The following PREX2 variants were observed in gnomAD, a reference collection of about 807,000 sequenced individuals.
PREX2 encodes the protein phosphatidylinositol 3,4,5-trisphosphate-dependent Rac exchanger 2 protein.
Under a neutral mutation model 203.2 loss-of-function variants are expected in PREX2, and 107 were observed. The ratio of observed to expected loss-of-function variants is 0.53; its 90% CI spans 0.45 to 0.62. PREX2 has a LOEUF of 0.62. Among genes scored for constraint, PREX2 ranks in the 20% least tolerant of loss-of-function variants. The probability of loss-of-function intolerance (pLI) is 0.00; values close to 1 mark genes in which losing one functional copy is unlikely to be tolerated. For synonymous variants in PREX2, 672 were observed against 663.6 expected (o/e 1.01, Z -0.19); for missense variants, 1,777 against 1,955.9 (o/e 0.91, Z 1.72).
chr8:68,082,596 C>T (rs1020477708), intron 17 of PREX2: 3 of 152,198 alleles, frequency 2.0e-5, no homozygotes, highest in African/African-American at 7.2e-5. Flanking sequence ...ATAAAATGCC[C>T]TCTCTCAGGC....
chr8:68,055,407 C>G (rs1808646662), intron 9 of PREX2, among the ~76,000 whole-genome samples: 1 of 152,144 alleles, frequency 6.6e-6, no homozygotes, highest in South Asian at 2.1e-4. Context: ...CCTTTCTTAA[C>G]ATTTCTCAGG....
chr8:67,971,705 T>G (rs1805932258), intron 1 of PREX2, among the ~76,000 whole-genome samples: 1 of 152,192 alleles, frequency 6.6e-6, no homozygotes, highest in East Asian at 1.9e-4. Flanking sequence ...AGTTATCCAT[T>G]AATACTTTGC....
intron 1 of PREX2, among the ~76,000 whole-genome samples, chr8:67,984,289 G>C (rs765181405): frequency 1.3e-5 from 2 of 152,064 alleles, no homozygotes; most frequent in African/African-American, 4.8e-5. Flanking sequence ...CATTAAGAAC[G>C]AAGAGTATGA....
intron 32 of PREX2, among the ~76,000 whole-genome samples, chr8:68,136,998 C>T (rs895711092): frequency 4.6e-5 from 7 of 151,594 alleles, no homozygotes; most frequent in Non-Finnish European, 8.8e-5. Context: ...CTCTGGCTCC[C>T]AGGTTCAAGT....
intron 37 of PREX2, among the ~76,000 whole-genome samples, chr8:68,193,002 A>G (rs1260737973): frequency 6.6e-6 from 1 of 152,134 alleles, no homozygotes; most frequent in Middle Eastern, 3.2e-3. Flanking sequence ...AGCTCACACA[A>G]TGTGCTATTC....
Position 68,083,375 on chromosome 8 carries a change from A to G in PREX2, c.2014A>G (p.Thr672Ala), listed in dbSNP as rs1348619776. 3 of 1,608,888 alleles carry G rather than the reference A, an allele frequency of 1.9e-6. No homozygotes were observed. The highest frequency in any genetic ancestry group is 2.2e-5 in the East Asian group (1 of 44,794). Residue 672 changes from threonine to alanine, a missense_variant, in exon 18 of 40, where the codon ACA becomes GCA. Transcript: ENST00000288368. The part of the protein sequence containing the change: ...SRKPLRVLVS[T>A]KPRETVKIPD... Reference sequence around the variant, plus strand: ...AAAACCTCTAAGAGTTCTTGTGAGCACAAAGCCAAGAGAGTAAGTTGTATG... The same window carrying G: ...AAAACCTCTAAGAGTTCTTGTGAGCGCAAAGCCAAGAGAGTAAGTTGTATG...
Position 68,209,070 on chromosome 8 carries a change from T to TAA in PREX2, c.4605-8527_4605-8526dup, listed in dbSNP as rs994362514. On this transcript the variant is annotated intron_variant, in intron 37 of 39. Coordinates refer to ENST00000288368, the MANE Select transcript of PREX2 (RefSeq NM_024870.4). ...CGACAGAGCAAGACCTGGACTCATT[T>TAA]AAAAAAAAAAAAAAAAAAAAGAAAG... Among the ~76,000 whole-genome samples the TAA allele has an allele frequency of 8.0e-3, 918 of 115,060 alleles. 9 individuals are homozygous for TAA. The highest frequency in any genetic ancestry group is 0.027 in the African/African-American group (826 of 30,698). The allele number at this position is 115,060 out of a possible 152,430, so 75.5% of individuals were successfully genotyped here. A position where few individuals can be genotyped will look rare whatever the true frequency, so the allele number is the denominator to read the frequency against.
chr8:68,050,898 G>A (rs1808508843), intron 8 of PREX2, among the ~76,000 whole-genome samples: 1 of 152,144 alleles, frequency 6.6e-6, no homozygotes, highest in Admixed American at 6.5e-5. Flanking sequence ...CAGCAGACAA[G>A]AAAAGCATGG....
chr8:68,179,274 T>A lies in PREX2; in HGVS notation c.4347-12448T>A, dbSNP rs1812040359. Among the ~76,000 whole-genome samples, 3 of 152,324 alleles carry A rather than the reference T, an allele frequency of 2.0e-5. No homozygotes were observed. In the East Asian group the frequency reaches 5.8e-4, roughly 29 times the overall value. ...TAATTTCTAAATTCTCACTTACAAT[T>A]TCTTTACTGAAGGCTGCAAGCTGTA... On this transcript the variant is annotated intron_variant, in intron 35 of 39. Coordinates refer to ENST00000288368, the MANE Select transcript of PREX2 (RefSeq NM_024870.4).
chr8:68,043,193 G>T (rs910894379), intron 7 of PREX2, among the ~76,000 whole-genome samples: 1 of 152,094 alleles, frequency 6.6e-6, no homozygotes, highest in African/African-American at 2.4e-5. Context: ...CTAATTTATA[G>T]CATTGATTTA....
chr8:68,146,268 A>G lies in PREX2; in HGVS notation c.4147A>G (p.Ile1383Val). The G allele has an allele frequency of 1.2e-6, 2 of 1,612,124 alleles. No individual in the cohort carries two copies. The highest frequency in any genetic ancestry group is 1.7e-6 in the Non-Finnish European group (2 of 1,178,786). The change falls in exon 34 of 40, where the codon ATT becomes GTT. Residue 1383 changes from isoleucine (I) to valine (V), a missense_variant. Coordinates refer to ENST00000288368, the MANE Select transcript of PREX2 (RefSeq NM_024870.4). ...SRQALKVYFY[I>V]DSYHFEQLPQ... ...GCAAGCTCTGAAAGTTTACTTCTAC[A>G]TTGATAGTTATCATTTTGAACAACT... is the stretch of plus-strand genomic sequence containing the variant.
chr8:68,034,491 C>T (rs766445666), intron 6 of PREX2, among the ~76,000 whole-genome samples: 7 of 151,966 alleles, frequency 4.6e-5, no homozygotes, highest in South Asian at 2.1e-4. Flanking sequence ...GTCCTTGATA[C>T]GCTTGTTTGG....
At chr8:68,195,312 A>G (rs1273747846) in intron 37 of PREX2, among the ~76,000 whole-genome samples, 1 of 152,234 alleles carries the variant, frequency 6.6e-6, no homozygotes, top group Non-Finnish European at 1.5e-5. Context: ...AACTTTCTTG[A>G]TTTCTACAAT....
chr8:68,235,243 C>T lies in PREX2; in HGVS notation c.*3865C>T, dbSNP rs1239204244. ...TTGAAATTTAAAATGAATAGTCTTA[C>T]TTTAAGGTCACTTTTACTTTACATT... is the stretch of plus-strand genomic sequence containing the variant. On this transcript the variant is annotated 3_prime_UTR_variant, in exon 40 of 40. Transcript: ENST00000288368. 6.6e-6 allele frequency: 1 copy of T among 152,066 alleles called. No individual in the cohort carries two copies. Among genetic ancestry groups the T allele is most frequent in the Non-Finnish European group, 1.5e-5 (1 of 67,996 alleles). The allele number at this position is 152,066 out of a possible 1,614,324, so 9.4% of individuals were successfully genotyped here.
intron 17 of PREX2, among the ~76,000 whole-genome samples, chr8:68,081,936 A>G (rs1809542690): frequency 6.6e-6 from 1 of 151,262 alleles, no homozygotes; most frequent in Non-Finnish European, 1.5e-5. Flanking sequence ...ACCTTAAGTG[A>G]TCTGCCCACC....
intron 35 of PREX2, among the ~76,000 whole-genome samples, chr8:68,160,693 C>A (rs556548003): frequency 6.6e-6 from 1 of 152,132 alleles, no homozygotes; most frequent in South Asian, 2.1e-4. Context: ...AAAATAGGAT[C>A]ATAAGTAACT....
intron 35 of PREX2, among the ~76,000 whole-genome samples, chr8:68,189,002 T>C (rs1812244286): frequency 6.6e-6 from 1 of 152,232 alleles, no homozygotes; most frequent in African/African-American, 2.4e-5. Context: ...CTAGAGGATT[T>C]GCATTCTAGT....
At chr8:68,073,181 A>G (rs1294937939) in intron 14 of PREX2, among the ~76,000 whole-genome samples, 2 of 151,108 alleles carry the variant, frequency 1.3e-5, no homozygotes, top group Non-Finnish European at 2.9e-5. Flanking sequence ...CAAAAGTTTA[A>G]GTATTGGTAT....
intron 7 of PREX2, among the ~76,000 whole-genome samples, chr8:68,039,920 A>G (rs1808144776): frequency 6.6e-6 from 1 of 152,120 alleles, no homozygotes; most frequent in South Asian, 2.1e-4. Flanking sequence ...TGCCTCCACA[A>G]TTTATGCTCT....
Sources: gnomAD v4.1 joint callset for allele counts (sites outside exome capture counted in the v4.1 genomes callset) on GRCh38, gnomAD v4.1.1 for gene constraint, MANE v1.5 for transcripts, NCBI Gene and HGNC (gene_info 2026-07-23, HGNC 2026-07-21) for gene names.